The following CRIP2 variants were observed in gnomAD, a reference collection of about 807,000 sequenced individuals.
CRIP2 encodes cysteine-rich protein 2.
Under a neutral mutation model 31.3 loss-of-function variants are expected in CRIP2, and 31 were observed. The ratio of observed to expected loss-of-function variants is 0.99; its 90% CI spans 0.74 to 1.34. The LOEUF is 1.34. Ranked by LOEUF, CRIP2 falls within the 40% of genes most tolerant of loss-of-function variation. The pLI is 0.00. For missense variants in CRIP2, 389 were observed against 301.6 expected, an observed-to-expected ratio of 1.29 and a Z score of -2.15; for synonymous variants, 177 against 127.2, an observed-to-expected ratio of 1.39 and a Z score of -2.63.
At chr14:105,473,361 C>G, upstream of CRIP2, 1 of 1,535,470 alleles carries the variant, frequency 6.5e-7, no homozygotes, top group Non-Finnish European at 8.7e-7. Context: ...GGCCTGCTGT[C>G]ACCATGGAAA....
In CRIP2 at chr14:105,478,804, C is replaced by T; in HGVS notation, c.270C>T (p.Pro90=). ...CGGAGGGGCCGCAGGTCACCGGCCC[C>T]ATCGAGGTCCCCGCGGCCCGAGCAG... ...PLAEGPQVTG[P]IEVPAARAEE... Residue 90 remains proline, a synonymous_variant, in exon 4 of 8, where the codon CCC becomes CCT. Transcript: ENST00000329146. The surrounding 1 kb of genome is among the most constrained non-coding windows in gnomAD (Gnocchi z 4.9). The T allele has an allele frequency of 3.5e-6, 5 of 1,431,460 alleles. No homozygotes were observed. Among genetic ancestry groups the T allele is most frequent in the Non-Finnish European group, 4.5e-6 (5 of 1,101,312 alleles). The allele number at this position is 1,431,460 out of a possible 1,614,324, so 88.7% of individuals were successfully genotyped here.
chr14:105,477,337 C>G, intron 1 of CRIP2: 1 of 985,508 alleles, frequency 1.0e-6, no homozygotes, highest in Non-Finnish European at 1.2e-6. Flanking sequence ...CCAGTGGCAG[C>G]CAGGGGCATT....
intron 1 of CRIP2, chr14:105,476,547 G>A (rs1399793838): frequency 1.0e-6 from 1 of 985,510 alleles, no homozygotes; most frequent in Non-Finnish European, 1.2e-6. Context: ...ACTCGGACCC[G>A]TAATGTGTGG....
chr14:105,476,727 G>T (rs1172009049), intron 1 of CRIP2: 8 of 985,368 alleles, frequency 8.1e-6, no homozygotes, highest in Non-Finnish European at 9.6e-6. Context: ...CGTGCAGCCA[G>T]CCCCTGCCTG....
chr14:105,476,778 T>G (rs2083940693), intron 1 of CRIP2: 1 of 985,144 alleles, frequency 1.0e-6, no homozygotes, highest in Non-Finnish European at 1.2e-6. Flanking sequence ...GTGGTTCTGG[T>G]CAGAGGGCTC....
At chr14:105,477,720 G>GGGGAAGCGGGTGTGTGT (rs2083968445) in intron 1 of CRIP2, 1 of 872 alleles carries the variant, frequency 1.1e-3, no homozygotes, top group African/African-American at 5.5e-3. Context: ...GGTGTGTGTG[G>GGGGAAGCGGGTGTGTGT]GGGGAAGCGG....
upstream of CRIP2, chr14:105,473,107 TG>T: frequency 9.6e-7 from 1 of 1,046,196 alleles, no homozygotes; most frequent in Non-Finnish European, 1.4e-6. Context: ...GCTCCCAAGC[TG>T]GGCAGAACAG....
At chr14:105,477,405 CGCCTGGAGGACCCACGGGGACGGG>C in intron 1 of CRIP2, 1 of 985,132 alleles carries the variant, frequency 1.0e-6, no homozygotes, top group East Asian at 1.2e-4. Flanking sequence ...ATGAGGGTCC[CGCCTGGAGGACCCACGGGGACGGG>C]GCCTGGCCTT....
chr14:105,478,323 G>T lies in CRIP2; in HGVS notation c.101G>T (p.Arg34Leu). ...CACAAGTTCTGCCTCAAGTGCGAGC[G>T]CTGCAGCAAGACGCTGACGCCCGGG... ...DWHKFCLKCERCSKTLTPGGH... is the reference protein window; with the variant it reads ...DWHKFCLKCELCSKTLTPGGH... Residue 34 changes from arginine to leucine, a missense_variant, in exon 2 of 8, where the codon CGC becomes CTC. Physicochemically the swap from Arg to Leu is moderately radical, Grantham distance 102. Transcript: ENST00000329146. This position sits in a 1 kb window ranked among gnomAD's most constrained non-coding sequence, Gnocchi z 4.9. 6.4e-7 allele frequency: 1 copy of T among 1,569,428 alleles called. No individual in the cohort carries two copies. The highest frequency in any genetic ancestry group is 8.6e-7 in the Non-Finnish European group (1 of 1,160,750).
rs782295478 is a variant in CRIP2, at chr14:105,474,829, G to T, written c.-34G>T. ...GGCGGCGGCGGCCCGGAGGAGAACG[G>T]GCGGAGGGCGCGGGCCGACCGGGCG... is the stretch of plus-strand genomic sequence containing the variant. On this transcript the variant is annotated 5_prime_UTR_variant, in exon 1 of 8. Coordinates refer to ENST00000329146, the MANE Select transcript of CRIP2 (RefSeq NM_001312.4). The surrounding 1 kb of genome is among the most constrained non-coding windows in gnomAD (Gnocchi z 5.1). The T allele has an allele frequency of 7.0e-6, 10 of 1,433,460 alleles. No individual in the cohort carries two copies. In the South Asian group the frequency reaches 1.2e-4, roughly 18 times the overall value. 88.8% of individuals were successfully genotyped at this position (1,433,460 alleles called of 1,614,324 possible). A position where few individuals can be genotyped will look rare whatever the true frequency, so the allele number is the denominator to read the frequency against.
intron 1 of CRIP2, chr14:105,476,202 G>A: frequency 1.0e-6 from 1 of 985,412 alleles, no homozygotes; most frequent in Non-Finnish European, 1.2e-6. Flanking sequence ...TTTACCCCAG[G>A]CCGGGCCAGG....
rs587599023 is a variant in CRIP2 at position 105,478,424 on chromosome 14, G to C, written c.139-26G>C. ...GCGACTCCCGCCACCCTCAGGCAGG[G>C]TCCTGACCCGCGCCCCTCTGCGCAG... On this transcript the variant is annotated intron_variant, in intron 2 of 7. Transcript: ENST00000329146. The surrounding 1 kb of genome is among the most constrained non-coding windows in gnomAD (Gnocchi z 4.9). 1 of 1,597,186 alleles carries C rather than the reference G, an allele frequency of 6.3e-7. No individual in the cohort carries two copies. Among genetic ancestry groups the C allele is most frequent in the African/African-American group, 1.3e-5 (1 of 74,682 alleles).
rs1567065246 is a variant in CRIP2, at chr14:105,479,837, C to T, written c.*184C>T. 7.7e-6 allele frequency: 5 copies of T among 646,578 alleles called. No homozygotes were observed. The highest frequency in any genetic ancestry group is 1.1e-5 in the Non-Finnish European group (4 of 370,150). The allele number at this position is 646,578 out of a possible 1,614,324, so 40.1% of individuals were successfully genotyped here. A position where few individuals can be genotyped will look rare whatever the true frequency, so the allele number is the denominator to read the frequency against. On this transcript the variant is annotated 3_prime_UTR_variant, in exon 8 of 8. Transcript: ENST00000329146. ...ATCCCCGAGTCTCTGGTGTGTCTGC[C>T]CCCTCTGGCATCCTCTGGGCGTCCC...
chr14:105,474,790 C>G (rs868926909), upstream of CRIP2: 4 of 1,216,556 alleles, frequency 3.3e-6, no homozygotes, highest in Middle Eastern at 4.5e-4. This position sits in a 1 kb window ranked among gnomAD's most constrained non-coding sequence, Gnocchi z 5.1. Context: ...GCCGGGCAGG[C>G]GGGGCTGGGC....
At chr14:105,477,483 G>A in intron 1 of CRIP2, 2 of 984,932 alleles carry the variant, frequency 2.0e-6, no homozygotes, top group Non-Finnish European at 2.4e-6. Context: ...CTTTGACTCA[G>A]CAGCGGGGTG....
rs2084007076 is a variant in CRIP2 at position 105,478,589 on chromosome 14, G to A, written c.196+82G>A. The A allele has an allele frequency of 1.3e-6, 2 of 1,532,326 alleles. No homozygotes were observed. Among genetic ancestry groups the A allele is most frequent in the Admixed American group, 3.9e-5 (2 of 51,378 alleles). 94.9% of individuals were successfully genotyped at this position (1,532,326 alleles called of 1,614,324 possible). A position where few individuals can be genotyped will look rare whatever the true frequency, so the allele number is the denominator to read the frequency against. ...GGCGCTGGGGAGGGCTGGGGGTCCC[G>A]GCCGCCGTGGATCCCCGCCCAGAGT... On this transcript the variant is annotated intron_variant, in intron 3 of 7. Coordinates refer to ENST00000329146, the MANE Select transcript of CRIP2 (RefSeq NM_001312.4). This position sits in a 1 kb window ranked among gnomAD's most constrained non-coding sequence, Gnocchi z 4.9.
rs587612946 is a variant in CRIP2, at chr14:105,478,998, C to T, written c.357C>T (p.Phe119=). The T allele has an allele frequency of 3.9e-5, 62 of 1,579,888 alleles. No homozygotes were observed. The South Asian group carries it at 6.8e-4, about 17-fold the overall frequency. The change falls in exon 5 of 8, where the codon TTC becomes TTT. Residue 119 remains phenylalanine (F), a synonymous_variant. Transcript: ENST00000329146. The surrounding 1 kb of genome is among the most constrained non-coding windows in gnomAD (Gnocchi z 4.9). ...CCACAGCCTCCAGTGTCACCACTTT[C>T]ACCGGGGAGCCCAACACGTGCCCGC... ...GPSRASSVTT[F]TGEPNTCPRC... is the part of the protein sequence containing the mutation.
upstream of CRIP2, chr14:105,474,372 G>C (rs1315832385): frequency 6.6e-6 from 1 of 151,364 alleles, no homozygotes; most frequent in Non-Finnish European, 1.5e-5. The surrounding 1 kb of genome is among the most constrained non-coding windows in gnomAD (Gnocchi z 5.1). Context: ...CGGGGTGGGG[G>C]TGGGGTTCTC....
At chr14:105,475,011 C>T (rs2083902087) in intron 1 of CRIP2, 106 bp downstream of exon 1, 1 of 1,237,524 alleles carries the variant, frequency 8.1e-7, no homozygotes, top group Non-Finnish European at 1.0e-6. Context: ...CCGGCCCCGG[C>T]CCCGGACCGA....
Sources: gnomAD v4.1 joint callset for allele counts on GRCh38, gnomAD v4.1.1 for gene constraint, Gnocchi (gnomAD v3.1) non-coding constraint, MANE v1.5 for transcripts, NCBI Gene and HGNC (gene_info 2026-07-23, HGNC 2026-07-21) for gene names.